Variants in CDH13 observed in about 807,000 individuals in gnomAD.
CDH13 encodes cadherin 13, also known as cadherin-13.
Under a neutral mutation model 63.8 loss-of-function variants are expected in CDH13, and 24 were observed. The ratio of observed to expected loss-of-function variants is 0.38; its 90% CI spans 0.27 to 0.53. CDH13 has a LOEUF of 0.53. Among genes scored for constraint, CDH13 ranks in the 20% least tolerant of loss-of-function variants. CDH13 has a pLI of 0.85. For missense variants in CDH13, 1,049 were observed against 903.1 expected, an observed-to-expected ratio of 1.16 and a Z score of -2.07; for synonymous variants, 503 against 355.3, an observed-to-expected ratio of 1.42 and a Z score of -4.67.
At chr16:83,723,871 AATGGATGGATGG>A in intron 10 of CDH13, among the ~76,000 whole-genome samples, 1 of 152,142 alleles carries the variant, frequency 6.6e-6, no homozygotes, top group African/African-American at 2.4e-5. Flanking sequence ...TCCATGGAAG[AATGGATGGATGG>A]ATGGATGGAT....
intron 5 of CDH13, among the ~76,000 whole-genome samples, chr16:83,335,632 C>T (rs745474159): frequency 1.3e-5 from 2 of 152,126 alleles, no homozygotes; most frequent in African/African-American, 4.8e-5. Context: ...GACGGCCCAG[C>T]GCCACACCCT....
chr16:83,100,764 C>G (rs372372342), intron 3 of CDH13, among the ~76,000 whole-genome samples: 1 of 152,328 alleles, frequency 6.6e-6, no homozygotes, highest in East Asian at 1.9e-4. Context: ...TTACAAACAG[C>G]CATCCCCTTA....
intron 1 of CDH13, among the ~76,000 whole-genome samples, chr16:82,783,241 C>T (rs911533911): frequency 3.3e-5 from 5 of 152,208 alleles, no homozygotes; most frequent in African/African-American, 9.7e-5. Context: ...CGCAAAGCTC[C>T]GTGAACAGGT....
intron 6 of CDH13, among the ~76,000 whole-genome samples, chr16:83,472,506 G>C (rs1422704538): frequency 1.3e-5 from 2 of 152,216 alleles, no homozygotes; most frequent in Non-Finnish European, 2.9e-5. Context: ...AGGCAGTGGA[G>C]TCAGGGCACC....
rs534185846 is a variant in CDH13, at chr16:83,520,101, C to T, written c.960+33446C>T. On this transcript the variant is annotated intron_variant, in intron 7 of 13. Transcript: ENST00000567109. ...AAGTGCTGACAAGTATGTAGAACAA[C>T]TAGGAGTCTTGCAATGTTTTTCAAA... 2.0e-5 allele frequency among the ~76,000 whole-genome samples: 3 copies of T among 152,144 alleles called. No individual in the cohort carries two copies. In the East Asian group the frequency reaches 5.8e-4, roughly 29 times the overall value.
chr16:83,026,039 A>G (rs12931723), intron 2 of CDH13, among the ~76,000 whole-genome samples: 21,429 of 152,076 alleles, frequency 0.14, 1,856 homozygotes, highest in East Asian at 0.32. Context: ...TAAAGCACCT[A>G]CTCCTGAGTT....
chr16:83,019,181 A>G (rs1300727851), intron 2 of CDH13, among the ~76,000 whole-genome samples: 1 of 152,254 alleles, frequency 6.6e-6, no homozygotes, highest in Non-Finnish European at 1.5e-5. Context: ...TACAACACAA[A>G]CACATTGTAC....
chr16:82,935,755 G>C (rs1433020859), intron 2 of CDH13, among the ~76,000 whole-genome samples: 1 of 152,106 alleles, frequency 6.6e-6, no homozygotes, highest in Non-Finnish European at 1.5e-5. Flanking sequence ...TGGCTATGTT[G>C]CCTGGGGTAT....
chr16:83,163,821 C>G (rs1009096517), intron 4 of CDH13, among the ~76,000 whole-genome samples: 4 of 152,068 alleles, frequency 2.6e-5, no homozygotes, highest in African/African-American at 9.7e-5. Flanking sequence ...AGTTAAGGCT[C>G]TGGGATTTTG....
chr16:82,671,817 T>A (rs1254499388), intron 1 of CDH13, among the ~76,000 whole-genome samples: 2 of 152,176 alleles, frequency 1.3e-5, no homozygotes, highest in African/African-American at 2.4e-5. Context: ...CCCTTTGGAT[T>A]ATAAAAGAAG....
rs144479211 is a variant in CDH13, at chr16:82,927,848, G to C, written c.157+69375G>C. 2.6e-5 allele frequency among the ~76,000 whole-genome samples: 4 copies of C among 152,308 alleles called. No individual in the cohort carries two copies. The East Asian group carries it at 7.7e-4, about 29-fold the overall frequency. On this transcript the variant is annotated intron_variant, in intron 2 of 13. Coordinates refer to ENST00000567109, the MANE Select transcript of CDH13 (RefSeq NM_001257.5). ...GAGTGAATGAGTGACCAGTGCTAAT[G>C]AGTTACTGAATATTGAGAGAATTGG...
At chr16:82,765,975 T>G (rs1055297299) in intron 1 of CDH13, among the ~76,000 whole-genome samples, 1 of 152,226 alleles carries the variant, frequency 6.6e-6, no homozygotes, top group South Asian at 2.1e-4. Flanking sequence ...AATGCACGTC[T>G]ATGCTACCCC....
intron 2 of CDH13, among the ~76,000 whole-genome samples, chr16:82,951,472 G>C (rs779439986): frequency 6.6e-6 from 1 of 152,178 alleles, no homozygotes; most frequent in Non-Finnish European, 1.5e-5. Context: ...CCAAGCCGAG[G>C]ACACAGCTCA....
intron 4 of CDH13, among the ~76,000 whole-genome samples, chr16:83,204,055 C>T (rs1214712199): frequency 6.6e-6 from 1 of 152,214 alleles, no homozygotes; most frequent in African/African-American, 2.4e-5. Flanking sequence ...CTCGTCCTGG[C>T]TCTGCCACTG....
chr16:83,064,341 CCTGGGTGACAA>C (rs2031828603), intron 3 of CDH13, among the ~76,000 whole-genome samples: 1 of 142,404 alleles, frequency 7.0e-6, no homozygotes, highest in Non-Finnish European at 1.5e-5. Flanking sequence ...TGCACTCCAG[CCTGGGTGACAA>C]AGTGAGACTG....
At chr16:83,187,120 G>C (rs947132826) in intron 4 of CDH13, among the ~76,000 whole-genome samples, 1 of 152,002 alleles carries the variant, frequency 6.6e-6, no homozygotes, top group African/African-American at 2.4e-5. Flanking sequence ...ACAGTTGCCT[G>C]CCACCACACA....
At chr16:83,594,941 C>G (rs1271961353) in intron 7 of CDH13, among the ~76,000 whole-genome samples, 3 of 152,120 alleles carry the variant, frequency 2.0e-5, no homozygotes, top group Non-Finnish European at 4.4e-5. Context: ...TGTGGAGATT[C>G]ACTCGAGGCT....
intron 13 of CDH13, among the ~76,000 whole-genome samples, chr16:83,793,142 A>G (rs1287755817): frequency 1.3e-5 from 2 of 152,166 alleles, no homozygotes; most frequent in Non-Finnish European, 2.9e-5. Context: ...CAGAAGCCTG[A>G]GAGTGAGGAA....
chr16:83,373,564 AGGGC>A (rs1211097835), intron 6 of CDH13, among the ~76,000 whole-genome samples: 1 of 152,170 alleles, frequency 6.6e-6, no homozygotes, highest in African/African-American at 2.4e-5. Flanking sequence ...GGGAGTAGAA[AGGGC>A]TGGAAAGGCC....
Sources: allele counts gnomAD v4.1 joint callset (sites outside exome capture counted in the v4.1 genomes callset), GRCh38; gene constraint gnomAD v4.1.1; transcripts MANE v1.5; gene names NCBI Gene and HGNC (gene_info 2026-07-23, HGNC 2026-07-21).